FBXL17: variants seen among roughly 807,000 people sequenced by gnomAD.
FBXL17 encodes the protein F-box/LRR-repeat protein 17.
FBXL17 carries 22 observed loss-of-function variants against 66.2 expected under a neutral mutation model. The ratio of observed to expected loss-of-function variants is 0.33; its 90% CI spans 0.24 to 0.47. FBXL17 has a LOEUF of 0.47. FBXL17 is among the 20% of genes least tolerant of loss of function. The pLI, the probability that FBXL17 is intolerant of heterozygous loss-of-function variation, is 1.00. For synonymous variants in FBXL17, 474 were observed against 400.5 expected (o/e 1.18, Z -2.19); for missense variants, 878 against 948.2 (o/e 0.93, Z 0.97).
intron 4 of FBXL17, among the ~76,000 whole-genome samples, chr5:108,343,018 AAATAG>A (rs1393545337): frequency 6.6e-6 from 1 of 152,144 alleles, no homozygotes; most frequent in Non-Finnish European, 1.5e-5. Flanking sequence ...TACCTTTATA[AAATAG>A]AACACAGGGA....
intron 6 of FBXL17, among the ~76,000 whole-genome samples, chr5:108,053,493 C>A (rs996878640): frequency 3.3e-5 from 5 of 151,892 alleles, no homozygotes; most frequent in African/African-American, 4.8e-5. Context: ...CAGAGTGAGA[C>A]TCCATCTCAG....
chr5:108,001,789 C>T (rs954880262), intron 7 of FBXL17, among the ~76,000 whole-genome samples: 4 of 151,774 alleles, frequency 2.6e-5, no homozygotes, highest in Non-Finnish European at 5.9e-5. Flanking sequence ...TGTGAGCCAC[C>T]GTGCCCAGCC....
At chr5:108,254,907 T>C (rs141072563) in intron 4 of FBXL17, among the ~76,000 whole-genome samples, 147 of 152,304 alleles carry the variant, frequency 9.7e-4, no homozygotes, top group African/African-American at 3.5e-3. Context: ...TCAATCACAA[T>C]TTACTGTAAT....
At chr5:108,119,636 C>T (rs1423438589) in intron 6 of FBXL17, among the ~76,000 whole-genome samples, 1 of 152,146 alleles carries the variant, frequency 6.6e-6, no homozygotes, top group East Asian at 1.9e-4. Flanking sequence ...TAAATAAGAA[C>T]ATCTGATACT....
chr5:107,978,615 T>C (rs1249058591), intron 7 of FBXL17, among the ~76,000 whole-genome samples: 1 of 152,200 alleles, frequency 6.6e-6, no homozygotes, highest in Non-Finnish European at 1.5e-5. Context: ...TCAATCTGTC[T>C]ATGGCCCTGA....
At chr5:107,963,014 T>C (rs1751979538) in intron 7 of FBXL17, among the ~76,000 whole-genome samples, 1 of 152,186 alleles carries the variant, frequency 6.6e-6, no homozygotes, top group Admixed American at 6.6e-5. Flanking sequence ...CTGAAAATTA[T>C]ATGTTCCCAG....
chr5:108,377,759 T>C (rs1749547264), intron 1 of FBXL17, among the ~76,000 whole-genome samples: 1 of 152,242 alleles, frequency 6.6e-6, no homozygotes, highest in Non-Finnish European at 1.5e-5. Context: ...GATATTTTTA[T>C]GCTTGTCCTC....
At chr5:107,900,514 CT>C (rs1213939528) in intron 7 of FBXL17, among the ~76,000 whole-genome samples, 1 of 152,110 alleles carries the variant, frequency 6.6e-6, no homozygotes, top group Non-Finnish European at 1.5e-5. Context: ...CATTTTAGTT[CT>C]CTAAAATCTT....
intron 8 of FBXL17, among the ~76,000 whole-genome samples, chr5:107,872,302 T>C (rs1443849921): frequency 6.6e-6 from 1 of 152,184 alleles, no homozygotes; most frequent in Non-Finnish European, 1.5e-5. Context: ...GCAGCTGCCG[T>C]CACAACCCCC....
chr5:108,068,300 A>C (rs1748189809), intron 6 of FBXL17, among the ~76,000 whole-genome samples: 1 of 152,210 alleles, frequency 6.6e-6, no homozygotes, highest in Admixed American at 6.5e-5. Flanking sequence ...ATATTTTGAC[A>C]TACTTATTCT....
At chr5:108,124,025 G>C (rs906229485) in intron 6 of FBXL17, among the ~76,000 whole-genome samples, 2 of 151,910 alleles carry the variant, frequency 1.3e-5, no homozygotes, top group African/African-American at 4.8e-5. Flanking sequence ...GTTTATTTAG[G>C]GTAAAGGATC....
chr5:108,336,186 A>G (rs1481382207), intron 4 of FBXL17, among the ~76,000 whole-genome samples: 1 of 152,198 alleles, frequency 6.6e-6, no homozygotes, highest in African/African-American at 2.4e-5. Context: ...AATTTTATAT[A>G]GAGTATTTTT....
chr5:107,908,530 G>A (rs981093062), intron 7 of FBXL17, among the ~76,000 whole-genome samples: 2 of 152,180 alleles, frequency 1.3e-5, no homozygotes, highest in Non-Finnish European at 2.9e-5. Context: ...CATAAAAACT[G>A]AGATATGTGG....
intron 6 of FBXL17, among the ~76,000 whole-genome samples, chr5:108,026,487 A>G (rs964388346): frequency 5.3e-5 from 8 of 152,198 alleles, no homozygotes; most frequent in African/African-American, 1.7e-4. Flanking sequence ...TTTCATGTAA[A>G]CTTCTAAAGA....
chr5:107,863,851 A>G (rs1748201601), intron 8 of FBXL17, among the ~76,000 whole-genome samples: 1 of 152,140 alleles, frequency 6.6e-6, no homozygotes, highest in African/African-American at 2.4e-5. Context: ...AAGCAACCCA[A>G]CCCAGAAGGT....
At chr5:107,999,573 T>C (rs796184855) in intron 7 of FBXL17, among the ~76,000 whole-genome samples, 17 of 151,194 alleles carry the variant, frequency 1.1e-4, no homozygotes, top group African/African-American at 4.1e-4. Flanking sequence ...CCCCACCACT[T>C]TCAACTCATT....
chr5:108,357,616 A>C (rs748066737), intron 3 of FBXL17, among the ~76,000 whole-genome samples: 1 of 152,106 alleles, frequency 6.6e-6, no homozygotes, highest in Non-Finnish European at 1.5e-5. Context: ...TAAAAGAATA[A>C]AAATTATACA....
At chr5:108,226,638 T>C (rs1755113271) in intron 4 of FBXL17, among the ~76,000 whole-genome samples, 1 of 152,208 alleles carries the variant, frequency 6.6e-6, no homozygotes, top group South Asian at 2.1e-4. Flanking sequence ...GGTATTCCTG[T>C]GAGAGAGTTT....
At chr5:107,909,071 T>C (rs1373158978) in intron 7 of FBXL17, among the ~76,000 whole-genome samples, 3 of 152,182 alleles carry the variant, frequency 2.0e-5, no homozygotes, top group Non-Finnish European at 4.4e-5. Context: ...CATAAATAGA[T>C]GTTTAGAGCA....
Sources: allele counts gnomAD v4.1 joint callset (sites outside exome capture counted in the v4.1 genomes callset), GRCh38; gene constraint gnomAD v4.1.1; transcripts MANE v1.5; gene names NCBI Gene and HGNC (gene_info 2026-07-23, HGNC 2026-07-21).